CDH13: variants seen among roughly 807,000 people sequenced by gnomAD.
The protein encoded by CDH13 is cadherin-13.
A neutral mutation model predicts 63.8 loss-of-function variants in CDH13; 24 were observed. The observed-to-expected ratio is 0.38, with a 90% CI of 0.27 to 0.53. The LOEUF (loss-of-function observed/expected upper bound fraction) is 0.53, where lower values mean the gene tolerates loss of function less well. Ranked by LOEUF, CDH13 falls within the 20% of genes least tolerant of loss-of-function variation. CDH13 has a pLI of 0.85. For missense variants in CDH13, 1,049 were observed against 903.1 expected, an observed-to-expected ratio of 1.16 and a Z score of -2.07; for synonymous variants, 503 against 355.3, an observed-to-expected ratio of 1.42 and a Z score of -4.67.
At chr16:82,933,223 G>C (rs1006055024) in intron 2 of CDH13, among the ~76,000 whole-genome samples, 4 of 152,120 alleles carry the variant, frequency 2.6e-5, no homozygotes, top group Non-Finnish European at 5.9e-5. Context: ...TGCATGGCTG[G>C]TGAGGCCTCA....
chr16:82,902,527 T>C (rs544573667), intron 2 of CDH13, among the ~76,000 whole-genome samples: 3 of 152,272 alleles, frequency 2.0e-5, no homozygotes, highest in African/African-American at 7.2e-5. Context: ...TCTCATTTTC[T>C]TTCTTTCCTC....
chr16:83,719,928 C>G (rs998810214), intron 10 of CDH13, among the ~76,000 whole-genome samples: 1 of 152,198 alleles, frequency 6.6e-6, no homozygotes, highest in African/African-American at 2.4e-5. Flanking sequence ...TGGGGTCAGA[C>G]TCCACTGTAG....
chr16:82,918,062 T>G (rs117840874), intron 2 of CDH13, among the ~76,000 whole-genome samples: 3,192 of 152,298 alleles, frequency 0.021, 62 homozygotes, highest in Non-Finnish European at 0.026. Context: ...GAGGTTTGTT[T>G]TGGCAGTTGT....
intron 6 of CDH13, among the ~76,000 whole-genome samples, chr16:83,445,087 T>A (rs2072635252): frequency 6.6e-6 from 1 of 152,102 alleles, no homozygotes; most frequent in Admixed American, 6.5e-5. Context: ...ATTTTTGATA[T>A]TTTTCATGGC....
chr16:83,024,350 A>G (rs976436310), intron 2 of CDH13, among the ~76,000 whole-genome samples: 5 of 152,182 alleles, frequency 3.3e-5, no homozygotes, highest in Non-Finnish European at 5.9e-5. Context: ...ATAATTTTAT[A>G]ATTTAAAGGG....
chr16:83,263,915 C>T (rs1232113434), intron 5 of CDH13, among the ~76,000 whole-genome samples: 1 of 152,194 alleles, frequency 6.6e-6, no homozygotes, highest in African/African-American at 2.4e-5. Flanking sequence ...AGAAACACCT[C>T]AGACAGTCTT....
chr16:83,006,231 A>C (rs112001314), intron 2 of CDH13, among the ~76,000 whole-genome samples: 4,373 of 152,320 alleles, frequency 0.029, 95 homozygotes, highest in Non-Finnish European at 0.044. Flanking sequence ...ACACAATAGC[A>C]AATGACCATG....
intron 1 of CDH13, among the ~76,000 whole-genome samples, chr16:82,798,645 C>T (rs537694247): frequency 2.0e-5 from 3 of 152,232 alleles, no homozygotes; most frequent in Admixed American, 6.5e-5. Flanking sequence ...GTTACAAGCA[C>T]AAATGTCCAT....
intron 13 of CDH13, among the ~76,000 whole-genome samples, chr16:83,790,491 C>T (rs943589964): frequency 1.3e-5 from 2 of 152,142 alleles, no homozygotes; most frequent in African/African-American, 2.4e-5. Flanking sequence ...GCTCCACCTC[C>T]CGGATTCACG....
chr16:82,716,366 G>A (rs1414547043), intron 1 of CDH13, among the ~76,000 whole-genome samples: 1 of 151,958 alleles, frequency 6.6e-6, no homozygotes, highest in Non-Finnish European at 1.5e-5. Flanking sequence ...AGACAAACAT[G>A]GATCCAAATT....
At chr16:83,434,715 T>A (rs906764230) in intron 6 of CDH13, among the ~76,000 whole-genome samples, 1 of 151,786 alleles carries the variant, frequency 6.6e-6, no homozygotes, top group East Asian at 1.9e-4. Context: ...CCCCTCAATA[T>A]GTCTGCAATC....
chr16:82,798,778 C>T (rs911086560), intron 1 of CDH13, among the ~76,000 whole-genome samples: 4 of 152,030 alleles, frequency 2.6e-5, no homozygotes, highest in Non-Finnish European at 5.9e-5. Flanking sequence ...GTCTTTGCTC[C>T]GTTAAGACGA....
chr16:82,764,826 T>G (rs1309368703), intron 1 of CDH13, among the ~76,000 whole-genome samples: 1 of 151,810 alleles, frequency 6.6e-6, no homozygotes, highest in Non-Finnish European at 1.5e-5. Context: ...TTTTTTTTTT[T>G]TTTTTGAGAT....
rs71148809 is a variant in CDH13, at chr16:83,080,871, G to GTTTTTTTTTTTTTTTTTTTTTTTT, written c.367-44510_367-44487dup. On this transcript the variant is annotated intron_variant, in intron 3 of 13. Coordinates refer to ENST00000567109, the MANE Select transcript of CDH13 (RefSeq NM_001257.5). ...AGATAGAGTTTTGTTTTGTTTTTGT[G>GTTTTTTTTTTTTTTTTTTTTTTTT]TTTTTTTTTTTTTTTTTTTTTTTTT... 5.8e-4 allele frequency among the ~76,000 whole-genome samples: 27 copies of GTTTTTTTTTTTTTTTTTTTTTTTT among 46,954 alleles called. 7 individuals carry two copies. Among genetic ancestry groups the GTTTTTTTTTTTTTTTTTTTTTTTT allele is most frequent in the East Asian group, 2.8e-3 (3 of 1,054 alleles). The allele number at this position is 46,954 out of a possible 152,430, so 30.8% of individuals were successfully genotyped here. A position where few individuals can be genotyped will look rare whatever the true frequency, so the allele number is the denominator to read the frequency against.
At chr16:83,683,000 G>A (rs1046182710) in intron 10 of CDH13, among the ~76,000 whole-genome samples, 15 of 152,258 alleles carry the variant, frequency 9.9e-5, no homozygotes, top group African/African-American at 3.1e-4. Context: ...GTCCTGCCTC[G>A]CATGAGGAAA....
intron 2 of CDH13, among the ~76,000 whole-genome samples, chr16:82,868,604 A>G (rs1254950043): frequency 6.6e-6 from 1 of 152,222 alleles, no homozygotes; most frequent in African/African-American, 2.4e-5. Flanking sequence ...ACATGAACAC[A>G]GGTGGAGTTC....
chr16:83,338,416 G>A (rs974657822), intron 5 of CDH13, among the ~76,000 whole-genome samples: 2 of 152,176 alleles, frequency 1.3e-5, no homozygotes, highest in Non-Finnish European at 2.9e-5. Flanking sequence ...TTCCAAAGAG[G>A]GCTCTCTGCA....
At chr16:82,788,480 C>T (rs1011710272) in intron 1 of CDH13, among the ~76,000 whole-genome samples, 3 of 152,238 alleles carry the variant, frequency 2.0e-5, no homozygotes, top group African/African-American at 7.2e-5. Flanking sequence ...AAGACCCTCC[C>T]TCCATGAGTT....
At chr16:82,883,963 C>G (rs1456638597) in intron 2 of CDH13, among the ~76,000 whole-genome samples, 1 of 152,184 alleles carries the variant, frequency 6.6e-6, no homozygotes, top group Non-Finnish European at 1.5e-5. Context: ...CCTAGTACCT[C>G]AGTTTCCTCC....
Sources: allele counts gnomAD v4.1 joint callset (sites outside exome capture counted in the v4.1 genomes callset), GRCh38; gene constraint gnomAD v4.1.1; transcripts MANE v1.5; gene names NCBI Gene and HGNC (gene_info 2026-07-23, HGNC 2026-07-21).